The following KCNQ5 variants were observed in gnomAD, a reference collection of about 807,000 sequenced individuals.
KCNQ5 encodes the protein potassium voltage-gated channel subfamily Q member 5.
KCNQ5 carries 30 observed loss-of-function variants against 98.2 expected under a neutral mutation model. That is an observed-to-expected ratio of 0.31 (90% CI 0.23 to 0.41). The LOEUF (loss-of-function observed/expected upper bound fraction) is 0.41. Ranked by LOEUF, KCNQ5 falls within the 10% of genes least tolerant of loss-of-function variation. The pLI, the probability that KCNQ5 is intolerant of heterozygous loss-of-function variation, is 1.00. For missense variants in KCNQ5, 835 were observed against 1,182.5 expected (o/e 0.71, Z 4.31); for synonymous variants, 458 against 449.4 (o/e 1.02, Z -0.24).
chr6:72,778,779 A>G (rs887402181), intron 1 of KCNQ5, among the ~76,000 whole-genome samples: 1 of 152,334 alleles, frequency 6.6e-6, no homozygotes, highest in East Asian at 1.9e-4. Context: ...TTTTAAAAAA[A>G]TCAACAGCAC....
chr6:72,941,399 CCTCCTTCCCTCCCTCCCTTCT>C, intron 1 of KCNQ5, among the ~76,000 whole-genome samples: 2 of 111,320 alleles, frequency 1.8e-5, no homozygotes, highest in African/African-American at 6.0e-5. Context: ...TTCCTCCTTT[CCTCCTTCCCTCCCTCCCTTCT>C]TTCCTTCCTC....
chr6:72,997,593 G>A (rs1443245361), intron 1 of KCNQ5, among the ~76,000 whole-genome samples: 1 of 150,658 alleles, frequency 6.6e-6, no homozygotes, highest in Admixed American at 6.6e-5. Context: ...GGCTAAAGTG[G>A]TGAAACCCCA....
At chr6:72,965,901 T>C (rs1298135234) in intron 1 of KCNQ5, among the ~76,000 whole-genome samples, 3 of 152,166 alleles carry the variant, frequency 2.0e-5, no homozygotes, top group Non-Finnish European at 2.9e-5. Flanking sequence ...GATTTGGACA[T>C]ATGTGGAAGT....
At chr6:72,658,370 T>A (rs925964393) in intron 1 of KCNQ5, among the ~76,000 whole-genome samples, 2 of 150,946 alleles carry the variant, frequency 1.3e-5, no homozygotes, top group Non-Finnish European at 2.9e-5. Flanking sequence ...AACCTCTGCC[T>A]CCCAGATTCA....
intron 1 of KCNQ5, among the ~76,000 whole-genome samples, chr6:72,981,712 G>A (rs1324579817): frequency 6.6e-6 from 1 of 152,118 alleles, no homozygotes; most frequent in Non-Finnish European, 1.5e-5. Context: ...TTTTGAATGT[G>A]TTTGCTCTTG....
chr6:72,682,936 T>G (rs1767777079), intron 1 of KCNQ5, among the ~76,000 whole-genome samples: 1 of 152,164 alleles, frequency 6.6e-6, no homozygotes, highest in African/African-American at 2.4e-5. Context: ...AAAGAGGAGC[T>G]GATCGCTGCC....
At chr6:72,657,468 A>C (rs745873025) in intron 1 of KCNQ5, among the ~76,000 whole-genome samples, 1 of 152,150 alleles carries the variant, frequency 6.6e-6, no homozygotes, top group Non-Finnish European at 1.5e-5. Flanking sequence ...TTTTCAATGA[A>C]ATATATTTAA....
intron 3 of KCNQ5, among the ~76,000 whole-genome samples, chr6:73,059,245 A>G (rs1242044327): frequency 6.6e-6 from 1 of 152,222 alleles, no homozygotes; most frequent in African/African-American, 2.4e-5. Flanking sequence ...AAAAAGAACA[A>G]GATCATGTCT....
intron 1 of KCNQ5, among the ~76,000 whole-genome samples, chr6:72,785,097 G>T (rs1292317109): frequency 3.9e-5 from 6 of 152,208 alleles, no homozygotes; most frequent in African/African-American, 1.2e-4. Flanking sequence ...CTTTAGACTT[G>T]CTTGGCTTTC....
intron 1 of KCNQ5, among the ~76,000 whole-genome samples, chr6:72,757,361 A>G (rs1177990566): frequency 1.3e-5 from 2 of 152,288 alleles, no homozygotes; most frequent in East Asian, 3.9e-4. Flanking sequence ...ATGTATACAG[A>G]TGCTCCTCCA....
At chr6:72,633,515 C>A (rs748084466) in intron 1 of KCNQ5, among the ~76,000 whole-genome samples, 1 of 152,178 alleles carries the variant, frequency 6.6e-6, no homozygotes, top group Non-Finnish European at 1.5e-5. Context: ...AACTACAATG[C>A]CATTCTTCAC....
Position 73,141,251 on chromosome 6 carries a change from G to T in KCNQ5, c.1468+7610G>T, listed in dbSNP as rs377065217. On this transcript the variant is annotated intron_variant, in intron 10 of 13. Coordinates refer to ENST00000370398, the MANE Select transcript of KCNQ5 (RefSeq NM_019842.4). ...ATGAGGGCACTAATCCCATTTATTAGGGCTCTGCCCTCATAGCCTAACCAT... is the reference window on the plus strand; with the variant it reads ...ATGAGGGCACTAATCCCATTTATTATGGCTCTGCCCTCATAGCCTAACCAT... 7.9e-5 allele frequency among the ~76,000 whole-genome samples: 12 copies of T among 152,262 alleles called. No homozygotes were observed. In the East Asian group the frequency reaches 2.3e-3, roughly 29 times the overall value.
chr6:73,063,694 A>AGATAGATAGATAGATAGAT lies in KCNQ5; in HGVS notation c.617-13627_617-13609dup, dbSNP rs1562156123. On this transcript the variant is annotated intron_variant, in intron 3 of 13. Transcript: ENST00000370398. ...ATAGATAGATAGATAGATGATAGATAGATAGATAGATAGATAGATAGATAG... is the reference window on the plus strand; with the variant it reads ...ATAGATAGATAGATAGATGATAGATAGATAGATAGATAGATAGATGATAGATAGATAGATAGATAGATAG... Among the ~76,000 whole-genome samples the AGATAGATAGATAGATAGAT allele has an allele frequency of 4.3e-3, 183 of 42,164 alleles. 2 individuals carry two copies. The highest frequency in any genetic ancestry group is 7.9e-3 in the Non-Finnish European group (107 of 13,502). 27.7% of individuals were successfully genotyped at this position (42,164 alleles called of 152,430 possible).
intron 2 of KCNQ5, among the ~76,000 whole-genome samples, chr6:73,019,504 G>GT (rs1770493301): frequency 6.6e-6 from 1 of 152,128 alleles, no homozygotes; most frequent in African/African-American, 2.4e-5. Context: ...CACAAACTAA[G>GT]TTTGGCGGGT....
At chr6:73,139,144 T>C (rs1776604828) in intron 10 of KCNQ5, among the ~76,000 whole-genome samples, 2 of 152,358 alleles carry the variant, frequency 1.3e-5, no homozygotes, top group Admixed American at 1.3e-4. Flanking sequence ...ATATCTTCTA[T>C]AGATGCAACA....
At chr6:72,748,426 C>T (rs903980817) in intron 1 of KCNQ5, among the ~76,000 whole-genome samples, 1 of 151,966 alleles carries the variant, frequency 6.6e-6, no homozygotes, top group Non-Finnish European at 1.5e-5. Context: ...AATCTTGAGT[C>T]CCACCCCAGA....
intron 6 of KCNQ5, among the ~76,000 whole-genome samples, chr6:73,108,700 AC>A (rs1170151099): frequency 1.3e-5 from 2 of 151,970 alleles, no homozygotes; most frequent in Non-Finnish European, 2.9e-5. Context: ...GGTGGCGGGC[AC>A]CTGTAATCCC....
At chr6:72,829,390 G>C (rs1276287858) in intron 1 of KCNQ5, among the ~76,000 whole-genome samples, 1 of 151,978 alleles carries the variant, frequency 6.6e-6, no homozygotes, top group African/African-American at 2.4e-5. Context: ...AGCATTTTTG[G>C]TTCTGCTTAC....
chr6:72,649,744 A>T (rs1477182232), intron 1 of KCNQ5, among the ~76,000 whole-genome samples: 1 of 152,116 alleles, frequency 6.6e-6, no homozygotes, highest in African/African-American at 2.4e-5. Context: ...TGAAAAGGAA[A>T]CTCAGTCAGA....
Sources: allele counts gnomAD v4.1 joint callset (sites outside exome capture counted in the v4.1 genomes callset), GRCh38; gene constraint gnomAD v4.1.1; transcripts MANE v1.5; gene names NCBI Gene and HGNC (gene_info 2026-07-23, HGNC 2026-07-21).